The following UBE3D variants were observed in gnomAD, a reference collection of about 807,000 sequenced individuals.
UBE3D encodes the protein ubiquitin protein ligase E3D.
In UBE3D, 48 loss-of-function variants were observed where a neutral mutation model predicts 49.6. The ratio of observed to expected loss-of-function variants is 0.97; its 90% CI spans 0.77 to 1.23. The LOEUF is 1.23. Ranked by LOEUF, UBE3D falls within the 50% of genes most tolerant of loss-of-function variation. UBE3D has a pLI of 0.00. For missense variants in UBE3D, 452 were observed against 468.4 expected (o/e 0.96, Z 0.32); for synonymous variants, 189 against 174.2 (o/e 1.08, Z -0.67).
At chr6:83,008,215 G>C (rs1464897546) in intron 8 of UBE3D, among the ~76,000 whole-genome samples, 1 of 152,082 alleles carries the variant, frequency 6.6e-6, no homozygotes, top group African/African-American at 2.4e-5. Flanking sequence ...CCCAAGTTGT[G>C]ACAACTAAAA....
Position 82,957,310 on chromosome 6 carries a change from AC to A in UBE3D, c.1149+1del. 4 of 1,611,896 alleles carry A rather than the reference AC, an allele frequency of 2.5e-6. No individual in the cohort carries two copies. The highest frequency in any genetic ancestry group is 3.4e-6 in the Non-Finnish European group (4 of 1,179,386). On this transcript the variant is annotated splice_donor_variant, in intron 9 of 9. Transcript: ENST00000369747. LOFTEE classifies it high-confidence loss of function. ...CGGCCTAGAAAAGAAGCCATTGCTC[AC>A]CTGAAAGGAATTCACACGGCGAAGG...
At chr6:82,924,290 A>ATATC (rs1213799569) in intron 9 of UBE3D, among the ~76,000 whole-genome samples, 14 of 152,310 alleles carry the variant, frequency 9.2e-5, no homozygotes, top group African/African-American at 3.1e-4. Context: ...TACTTGGATG[A>ATATC]AATATAGGTT....
At chr6:82,936,546 A>C (rs1231644446) in intron 9 of UBE3D, among the ~76,000 whole-genome samples, 1 of 152,168 alleles carries the variant, frequency 6.6e-6, no homozygotes, top group Admixed American at 6.6e-5. Flanking sequence ...GAGTCAAGAT[A>C]AGGAGCCAGC....
At chr6:83,058,440 T>A (rs770546422) in intron 1 of UBE3D, among the ~76,000 whole-genome samples, 1 of 152,210 alleles carries the variant, frequency 6.6e-6, no homozygotes, top group African/African-American at 2.4e-5. Flanking sequence ...CAGTGATGTA[T>A]GAATATCAGG....
intron 5 of UBE3D, among the ~76,000 whole-genome samples, chr6:83,035,008 C>G (rs1782145052): frequency 1.3e-5 from 2 of 151,608 alleles, no homozygotes; most frequent in Admixed American, 1.3e-4. Context: ...ATATGGAGAC[C>G]CCACTTCTAC....
chr6:82,915,536 G>A (rs1214297094), intron 9 of UBE3D, among the ~76,000 whole-genome samples: 1 of 152,162 alleles, frequency 6.6e-6, no homozygotes, highest in African/African-American at 2.4e-5. Flanking sequence ...CTCACTGAAC[G>A]TGTTTCTGAA....
chr6:83,019,408 G>C (rs1490392804), intron 7 of UBE3D, among the ~76,000 whole-genome samples: 1 of 150,412 alleles, frequency 6.6e-6, no homozygotes, highest in East Asian at 1.9e-4. Flanking sequence ...CTTCAGTAAG[G>C]GGGTAAAACA....
intron 5 of UBE3D, among the ~76,000 whole-genome samples, chr6:83,030,980 A>T (rs900532944): frequency 6.6e-6 from 1 of 152,128 alleles, no homozygotes; most frequent in Admixed American, 6.5e-5. Context: ...AACTTGAGAG[A>T]GATGATTTAG....
chr6:83,024,596 A>T lies in UBE3D; in HGVS notation c.668-558T>A, dbSNP rs1781320812. 3.3e-5 allele frequency among the ~76,000 whole-genome samples: 5 copies of T among 152,124 alleles called. No homozygotes were observed. In the South Asian group the frequency reaches 1.0e-3, roughly 32 times the overall value. The stretch of plus-strand genomic sequence containing the variant: ...GAATAATCACAGGAAGCATTCAGGG[A>T]TCCACTGGACCCACCGTGAGATGGA... On this transcript the variant is annotated intron_variant, in intron 5 of 9. Transcript: ENST00000369747.
intron 8 of UBE3D, among the ~76,000 whole-genome samples, chr6:83,000,908 G>A (rs868522391): frequency 3.3e-5 from 5 of 151,230 alleles, no homozygotes; most frequent in Admixed American, 2.6e-4. Context: ...GCAATGGGGC[G>A]CTCTCGGCTT....
At chr6:82,979,140 T>C (rs1355042413) in intron 8 of UBE3D, among the ~76,000 whole-genome samples, 1 of 152,186 alleles carries the variant, frequency 6.6e-6, no homozygotes, top group East Asian at 1.9e-4. Flanking sequence ...GAGAGGGTTT[T>C]TTAAAAGAGC....
At chr6:83,057,607 G>C (rs1783892485) in intron 2 of UBE3D, among the ~76,000 whole-genome samples, 1 of 152,166 alleles carries the variant, frequency 6.6e-6, no homozygotes, top group Non-Finnish European at 1.5e-5. Context: ...CAATTTTGCT[G>C]TGGGTGGAAA....
At chr6:82,937,684 C>T (rs925496571) in intron 9 of UBE3D, among the ~76,000 whole-genome samples, 6 of 152,006 alleles carry the variant, frequency 3.9e-5, no homozygotes, top group Non-Finnish European at 7.4e-5. Context: ...GCACCAAGAA[C>T]CAGAGTGAAA....
At chr6:83,051,304 G>A (rs1260482174) in intron 3 of UBE3D, among the ~76,000 whole-genome samples, 2 of 152,140 alleles carry the variant, frequency 1.3e-5, no homozygotes, top group Non-Finnish European at 2.9e-5. Flanking sequence ...AGGGCCTGCC[G>A]ATGGTCAGGG....
At chr6:83,003,391 T>A (rs939468456) in intron 8 of UBE3D, among the ~76,000 whole-genome samples, 1 of 147,708 alleles carries the variant, frequency 6.8e-6, no homozygotes, top group African/African-American at 2.5e-5. Context: ...TTATTTCTAG[T>A]AAAAAAAAAA....
intron 6 of UBE3D, among the ~76,000 whole-genome samples, chr6:83,023,741 G>C (rs1051878345): frequency 2.6e-5 from 4 of 152,186 alleles, no homozygotes; most frequent in Non-Finnish European, 5.9e-5. Context: ...AGAAAAGGCA[G>C]GGGGAGGGGT....
At chr6:82,934,842 A>G (rs1774431087) in intron 9 of UBE3D, among the ~76,000 whole-genome samples, 1 of 146,954 alleles carries the variant, frequency 6.8e-6, no homozygotes, top group Non-Finnish European at 1.5e-5. Flanking sequence ...CAACAGAATG[A>G]GTGAACTGGA....
intron 9 of UBE3D, among the ~76,000 whole-genome samples, chr6:82,928,138 T>C (rs1302342544): frequency 6.6e-6 from 1 of 151,982 alleles, no homozygotes; most frequent in Admixed American, 6.6e-5. Flanking sequence ...TATCCCCAAG[T>C]AGAGGTAAGG....
At chr6:83,026,659 C>A (rs1781482919) in intron 5 of UBE3D, among the ~76,000 whole-genome samples, 1 of 152,046 alleles carries the variant, frequency 6.6e-6, no homozygotes, top group South Asian at 2.1e-4. Flanking sequence ...CAGGACTAAA[C>A]TAAACCTTTT....
Sources: gnomAD v4.1 joint callset for allele counts (sites outside exome capture counted in the v4.1 genomes callset) on GRCh38, gnomAD v4.1.1 for gene constraint, MANE v1.5 for transcripts, NCBI Gene and HGNC (gene_info 2026-07-23, HGNC 2026-07-21) for gene names.